KAZN: variants seen among roughly 807,000 people sequenced by gnomAD.
KAZN encodes kazrin, periplakin interacting protein.
A neutral mutation model predicts 87.4 loss-of-function variants in KAZN; 40 were observed. That is an observed-to-expected ratio of 0.46 (90% confidence interval 0.36 to 0.60). The LOEUF is 0.60. Ranked by LOEUF, KAZN falls within the 20% of genes least tolerant of loss-of-function variation. The probability of loss-of-function intolerance (pLI) is 0.00; values close to 1 mark genes in which losing one functional copy is unlikely to be tolerated. For synonymous variants in KAZN, 466 were observed against 458.3 expected, an observed-to-expected ratio of 1.02 and a Z score of -0.22; for missense variants, 898 against 1,073.9, an observed-to-expected ratio of 0.84 and a Z score of 2.29.
At chr1:14,327,143 T>A (rs1656493092) in intron 2 of KAZN, among the ~76,000 whole-genome samples, 1 of 152,214 alleles carries the variant, frequency 6.6e-6, no homozygotes, top group South Asian at 2.1e-4. Context: ...AAGGAATTAC[T>A]TATTTAAAAA....
At chr1:14,618,976 G>A (rs1314759681) in intron 1 of KAZN, among the ~76,000 whole-genome samples, 1 of 152,162 alleles carries the variant, frequency 6.6e-6, no homozygotes, top group Non-Finnish European at 1.5e-5. Flanking sequence ...ATTTGCTGCA[G>A]GATACAGACA....
intron 2 of KAZN, among the ~76,000 whole-genome samples, chr1:14,967,353 G>A (rs1367320721): frequency 6.6e-6 from 1 of 152,058 alleles, no homozygotes; most frequent in African/African-American, 2.4e-5. Context: ...GCCTCCAGAT[G>A]GTCACTCTTC....
chr1:14,721,999 A>G (rs964853862), intron 1 of KAZN, among the ~76,000 whole-genome samples: 10 of 152,016 alleles, frequency 6.6e-5, no homozygotes, highest in Admixed American at 5.2e-4. Flanking sequence ...TACTAAAAAT[A>G]TAAAAATTAG....
At chr1:14,872,985 C>G in intron 1 of KAZN, among the ~76,000 whole-genome samples, 1 of 123,292 alleles carries the variant, frequency 8.1e-6, no homozygotes, top group South Asian at 2.7e-4. Context: ...AGTAGAAGAA[C>G]ATATAGAAGG....
chr1:14,037,465 G>A lies in KAZN; in HGVS notation c.92-142970G>A, dbSNP rs143633837. Among the ~76,000 whole-genome samples the A allele has an allele frequency of 4.0e-3, 616 of 152,282 alleles. 7 individuals carry two copies. Among genetic ancestry groups the A allele is most frequent in the African/African-American group, 0.014 (572 of 41,566 alleles). On this transcript the variant is annotated intron_variant, in intron 1 of 16. Transcript: ENST00000636203. ...TTGTCTGAAGCTATTCTTCCTTTCT[G>A]TTGATTCTGTCTTACCTCCCTTGTT...
chr1:14,429,315 C>T (rs1469834096), intron 2 of KAZN, among the ~76,000 whole-genome samples: 3 of 152,220 alleles, frequency 2.0e-5, no homozygotes, highest in East Asian at 1.9e-4. Flanking sequence ...TTGGCAAAAA[C>T]ATTCACACAC....
intron 1 of KAZN, among the ~76,000 whole-genome samples, chr1:14,010,217 A>G (rs1431994166): frequency 6.6e-6 from 1 of 152,212 alleles, no homozygotes. Context: ...CACTTCAAAT[A>G]AAACCATCCA....
At chr1:14,142,680 C>T (rs1450454319) in intron 1 of KAZN, among the ~76,000 whole-genome samples, 1 of 152,216 alleles carries the variant, frequency 6.6e-6, no homozygotes. Context: ...CTCTCAATGA[C>T]ATTTGTCTCA....
chr1:14,122,099 T>C (rs1317993193), intron 1 of KAZN, among the ~76,000 whole-genome samples: 1 of 152,100 alleles, frequency 6.6e-6, no homozygotes, highest in Non-Finnish European at 1.5e-5. Flanking sequence ...GAGCCAGCTG[T>C]CAATTGGTGT....
At chr1:14,179,249 T>C (rs913037493) in intron 1 of KAZN, among the ~76,000 whole-genome samples, 25 of 152,192 alleles carry the variant, frequency 1.6e-4, no homozygotes, top group African/African-American at 5.6e-4. Flanking sequence ...AACTTAGTCT[T>C]CCTGATCTCC....
At chr1:14,613,738 T>C (rs755392374) in intron 1 of KAZN, among the ~76,000 whole-genome samples, 2 of 152,216 alleles carry the variant, frequency 1.3e-5, no homozygotes, top group Non-Finnish European at 2.9e-5. Flanking sequence ...CTCGTCACCT[T>C]CTCTGGCCAC....
intron 1 of KAZN, chr1:14,924,254 G>A (rs1308173651): frequency 1.4e-5 from 14 of 982,040 alleles, no homozygotes; most frequent in East Asian, 1.1e-4. Context: ...GGGAGGCGGG[G>A]GCGGGCTCGG....
chr1:13,926,508 T>C (rs1640282706), intron 1 of KAZN, among the ~76,000 whole-genome samples: 1 of 152,166 alleles, frequency 6.6e-6, no homozygotes, highest in Admixed American at 6.5e-5. Flanking sequence ...TTCCCTATTT[T>C]CAAGTCCCCT....
intron 2 of KAZN, among the ~76,000 whole-genome samples, chr1:14,500,496 A>G (rs1670179158): frequency 6.6e-6 from 1 of 152,052 alleles, no homozygotes; most frequent in African/African-American, 2.4e-5. Flanking sequence ...TTTTAAAAGA[A>G]GCAAGATCTC....
At chr1:14,316,456 TACTTGATCA>T (rs768240621) in intron 2 of KAZN, among the ~76,000 whole-genome samples, 1 of 152,020 alleles carries the variant, frequency 6.6e-6, no homozygotes. Context: ...CTCCCTTTGT[TACTTGATCA>T]ACCTAGCTAA....
rs762613728 is a variant in KAZN at position 14,858,209 on chromosome 1, C to CTTTTTTTTTTT, written c.227-102471_227-102470insTTTTTTTTTTT. On this transcript the variant is annotated intron_variant, in intron 1 of 14. Coordinates refer to ENST00000376030, the MANE Select transcript of KAZN (RefSeq NM_201628.3). ...CTTTCTTTTTTTCTTTTTTCTTTTTCTTTTCTTTTTTTTTTTTTTTTGAGA... is the reference window on the plus strand; with the variant it reads ...CTTTCTTTTTTTCTTTTTTCTTTTTCTTTTTTTTTTTTTTTCTTTTTTTTTTTTTTTTGAGA... 5.8e-3 allele frequency among the ~76,000 whole-genome samples: 670 copies of CTTTTTTTTTTT among 115,570 alleles called. 97 individuals are homozygous for CTTTTTTTTTTT. Among genetic ancestry groups the CTTTTTTTTTTT allele is most frequent in the African/African-American group, 7.4e-3 (196 of 26,374 alleles). 75.8% of individuals were successfully genotyped at this position (115,570 alleles called of 152,430 possible).
intron 1 of KAZN, among the ~76,000 whole-genome samples, chr1:14,842,845 C>T (rs1321699078): frequency 6.6e-6 from 1 of 152,140 alleles, no homozygotes; most frequent in Non-Finnish European, 1.5e-5. Flanking sequence ...GTCCCATGGC[C>T]ACCCTTCTCC....
intron 2 of KAZN, among the ~76,000 whole-genome samples, chr1:14,471,233 T>C (rs186262624): frequency 1.8e-3 from 279 of 152,312 alleles, no homozygotes; most frequent in African/African-American, 6.5e-3. Flanking sequence ...AGCTAATGAA[T>C]ACGGCTGGCT....
intron 1 of KAZN, among the ~76,000 whole-genome samples, chr1:14,108,320 G>A (rs528103186): frequency 1.3e-5 from 2 of 152,286 alleles, no homozygotes; most frequent in Non-Finnish European, 2.9e-5. Flanking sequence ...TACTATAGAA[G>A]AGTATAGCTC....
Sources: allele counts gnomAD v4.1 joint callset (sites outside exome capture counted in the v4.1 genomes callset), GRCh38; gene constraint gnomAD v4.1.1; transcripts MANE v1.5; gene names NCBI Gene and HGNC (gene_info 2026-07-23, HGNC 2026-07-21).